ERC1: variants seen among roughly 807,000 people sequenced by gnomAD.
ERC1 encodes the protein ELKS/RAB6-interacting/CAST family member 1, also known as RAB6 interacting protein 2.
In ERC1, 56 loss-of-function variants were observed where a neutral mutation model predicts 132.0. The observed-to-expected ratio is 0.42, with a 90% CI of 0.34 to 0.53. The LOEUF (loss-of-function observed/expected upper bound fraction) is 0.53, where lower values mean the gene tolerates loss of function less well. ERC1 is among the 20% of genes least tolerant of loss of function. The pLI is 0.03. For synonymous variants in ERC1, 478 were observed against 476.1 expected, an observed-to-expected ratio of 1.00 and a Z score of -0.05; for missense variants, 1,202 against 1,349.9, an observed-to-expected ratio of 0.89 and a Z score of 1.72.
At chr12:1,120,731 T>C (rs1946987911) in intron 7 of ERC1, among the ~76,000 whole-genome samples, 1 of 152,180 alleles carries the variant, frequency 6.6e-6, no homozygotes, top group Non-Finnish European at 1.5e-5. Flanking sequence ...TCCAGGAAAT[T>C]GTGTTTTGGA....
intron 17 of ERC1, among the ~76,000 whole-genome samples, chr12:1,436,761 C>A (rs1031122478): frequency 6.6e-5 from 10 of 152,134 alleles, no homozygotes; most frequent in Admixed American, 2.0e-4. Flanking sequence ...AGTTAAAAGC[C>A]ACCATTTTTC....
chr12:1,181,962 G>T lies in ERC1; in HGVS notation c.1913G>T (p.Arg638Ile), dbSNP rs1370240696. 1 of 1,614,086 alleles carries T rather than the reference G, an allele frequency of 6.2e-7. No individual in the cohort carries two copies. The highest frequency in any genetic ancestry group is 2.2e-5 in the East Asian group (1 of 44,882). Residue 638 changes from arginine to isoleucine, a missense_variant, in exon 10 of 19, where the codon AGA (arginine) becomes ATA (isoleucine). By Grantham distance (97) the Arg-to-Ile change is moderately conservative. Coordinates refer to ENST00000360905, the MANE Select transcript of ERC1 (RefSeq NM_178040.4). The part of the protein sequence containing the change: ...TIERLKEQRD[R>I]DEREKQEEID... The stretch of plus-strand genomic sequence containing the variant: ...GAACGCTTAAAGGAGCAGAGGGACA[G>T]AGATGAGCGAGAGAAGCAAGAGGAA...
chr12:1,373,457 TC>T (rs2087484051), intron 16 of ERC1, among the ~76,000 whole-genome samples: 1 of 152,188 alleles, frequency 6.6e-6, no homozygotes, highest in Non-Finnish European at 1.5e-5. Context: ...ATTAGTGGCC[TC>T]CAAAGAACAT....
intron 18 of ERC1, among the ~76,000 whole-genome samples, chr12:1,465,878 G>A (rs1486323021): frequency 6.6e-6 from 1 of 152,170 alleles, no homozygotes; most frequent in Non-Finnish European, 1.5e-5. Flanking sequence ...GCTGATGCTG[G>A]GGCCACTGCC....
At chr12:1,437,664 G>A (rs55885871) in intron 17 of ERC1, among the ~76,000 whole-genome samples, 2,767 of 152,274 alleles carry the variant, frequency 0.018, 76 homozygotes, top group African/African-American at 0.063. Flanking sequence ...GAGATTTCAA[G>A]ATTTATTTTA....
At chr12:1,180,156 A>G (rs1488875905) in intron 8 of ERC1, among the ~76,000 whole-genome samples, 1 of 151,976 alleles carries the variant, frequency 6.6e-6, no homozygotes, top group Non-Finnish European at 1.5e-5. Context: ...TTACAATGTC[A>G]TTTTAGAAGT....
At chr12:1,226,329 C>T (rs893976093) in intron 12 of ERC1, among the ~76,000 whole-genome samples, 12 of 152,132 alleles carry the variant, frequency 7.9e-5, no homozygotes, top group Admixed American at 2.0e-4. Flanking sequence ...GTACGGTGTA[C>T]CACATGATCT....
intron 2 of ERC1, among the ~76,000 whole-genome samples, chr12:1,070,494 C>T (rs1358657326): frequency 6.6e-6 from 1 of 151,854 alleles, no homozygotes; most frequent in Non-Finnish European, 1.5e-5. Context: ...CTGTGTTGCC[C>T]AGGCTGGTCT....
intron 16 of ERC1, among the ~76,000 whole-genome samples, chr12:1,373,633 A>G (rs2087516135): frequency 6.6e-6 from 1 of 152,174 alleles, no homozygotes; most frequent in African/African-American, 2.4e-5. Flanking sequence ...TACAAAAATT[A>G]GCTGGATGTG....
intron 8 of ERC1, among the ~76,000 whole-genome samples, chr12:1,151,484 T>C (rs77432585): frequency 1.1e-3 from 163 of 152,344 alleles, no homozygotes; most frequent in Middle Eastern, 6.8e-3. Flanking sequence ...ATCCCTGTTA[T>C]ATTCCAGTGG....
At chr12:1,242,903 C>T (rs932818175) in intron 13 of ERC1, among the ~76,000 whole-genome samples, 7 of 152,258 alleles carry the variant, frequency 4.6e-5, no homozygotes, top group Admixed American at 2.6e-4. Context: ...TAGAAGAAAT[C>T]GAGGCCGGGC....
At chr12:1,117,853 T>C (rs1475672726) in intron 7 of ERC1, among the ~76,000 whole-genome samples, 1 of 152,226 alleles carries the variant, frequency 6.6e-6, no homozygotes, top group Non-Finnish European at 1.5e-5. Context: ...TAAACTTAGG[T>C]TTATTCAGGG....
intron 18 of ERC1, among the ~76,000 whole-genome samples, chr12:1,474,852 G>A (rs866594333): frequency 9.9e-5 from 15 of 152,138 alleles, no homozygotes; most frequent in Admixed American, 5.2e-4. Context: ...TCCTCCGTTC[G>A]TTTCTTCCCT....
intron 16 of ERC1, among the ~76,000 whole-genome samples, chr12:1,375,507 A>G (rs2087782969): frequency 6.6e-6 from 1 of 152,152 alleles, no homozygotes; most frequent in Admixed American, 6.5e-5. Context: ...TTTTCTGCTG[A>G]CAGCTTTAGC....
intron 11 of ERC1, among the ~76,000 whole-genome samples, chr12:1,187,605 T>C (rs532438568): frequency 6.6e-6 from 1 of 152,298 alleles, no homozygotes; most frequent in South Asian, 2.1e-4. Flanking sequence ...CTACATTTAA[T>C]CTTGCACTTA....
chr12:1,486,998 A>G (rs1159492468), intron 18 of ERC1, among the ~76,000 whole-genome samples: 1 of 152,192 alleles, frequency 6.6e-6, no homozygotes, highest in Non-Finnish European at 1.5e-5. Context: ...ACACCACCCC[A>G]TAACCTTTTC....
chr12:1,327,920 CTAAT>C (rs925793394), intron 15 of ERC1, among the ~76,000 whole-genome samples: 4 of 152,008 alleles, frequency 2.6e-5, no homozygotes, highest in African/African-American at 9.7e-5. Flanking sequence ...AAGCCAGAAA[CTAAT>C]TAAATTGTTC....
chr12:1,058,349 C>T (rs1243303348), intron 2 of ERC1, among the ~76,000 whole-genome samples: 4 of 152,056 alleles, frequency 2.6e-5, no homozygotes, highest in Non-Finnish European at 5.9e-5. Flanking sequence ...AGTCTTTAAT[C>T]AGTTTTGAGT....
intron 17 of ERC1, among the ~76,000 whole-genome samples, chr12:1,424,095 T>C (rs2092528444): frequency 6.6e-6 from 1 of 151,994 alleles, no homozygotes; most frequent in South Asian, 2.1e-4. Flanking sequence ...TCAGTGTGGA[T>C]GAGATGCTGT....
Sources: allele counts gnomAD v4.1 joint callset (sites outside exome capture counted in the v4.1 genomes callset), GRCh38; gene constraint gnomAD v4.1.1; transcripts MANE v1.5; gene names NCBI Gene and HGNC (gene_info 2026-07-23, HGNC 2026-07-21).